Variants in SERPINE2 observed in about 807,000 individuals in gnomAD.
SERPINE2 encodes glia-derived nexin.
A neutral mutation model predicts 36.3 loss-of-function variants in SERPINE2; 14 were observed. The observed-to-expected ratio is 0.39, with a 90% confidence interval of 0.25 to 0.60. SERPINE2 has a LOEUF of 0.60. Ranked by LOEUF, SERPINE2 falls within the 20% of genes least tolerant of loss-of-function variation. SERPINE2 has a pLI of 0.57. For synonymous variants in SERPINE2, 192 were observed against 191.8 expected, an observed-to-expected ratio of 1.00 and a Z score of -0.01; for missense variants, 418 against 499.6, an observed-to-expected ratio of 0.84 and a Z score of 1.56.
chr2:224,016,484 C>T (rs906392416), intron 1 of SERPINE2, among the ~76,000 whole-genome samples: 2 of 139,628 alleles, frequency 1.4e-5, no homozygotes, highest in Non-Finnish European at 3.0e-5. Context: ...CCAGCCTGGG[C>T]GACAAGAGCG....
chr2:223,981,218 T>C (rs759041683), intron 6 of SERPINE2: 10 of 152,056 alleles, frequency 6.6e-5, no homozygotes, highest in Non-Finnish European at 1.0e-4. Flanking sequence ...GAGATGCACA[T>C]TTATAGGGCC....
At chr2:224,002,175 C>T (rs1327556736) in intron 1 of SERPINE2, among the ~76,000 whole-genome samples, 1 of 152,030 alleles carries the variant, frequency 6.6e-6, no homozygotes, top group African/African-American at 2.4e-5. Flanking sequence ...TGGGATTTCA[C>T]CATGTTGGCC....
chr2:223,983,219 G>A (rs1690289701), intron 5 of SERPINE2, among the ~76,000 whole-genome samples: 1 of 152,190 alleles, frequency 6.6e-6, no homozygotes, highest in South Asian at 2.1e-4. Flanking sequence ...ATTGGAGATG[G>A]TCAAAAGAGA....
At chr2:224,038,547 G>C (rs1167275846) in intron 1 of SERPINE2, 1 of 1,548,088 alleles carries the variant, frequency 6.5e-7, no homozygotes, top group Admixed American at 2.0e-5. Flanking sequence ...AAATAGCAAA[G>C]ACCTGCTCGC....
intron 7 of SERPINE2, 95 bp from the exon 8 acceptor site, chr2:223,977,722 C>T: frequency 1.2e-6 from 1 of 815,294 alleles, no homozygotes; most frequent in Non-Finnish European, 2.1e-6. Flanking sequence ...CCCTCAGAGG[C>T]TGGTGTCTGA....
chr2:223,981,561 T>C (rs1690227889), intron 6 of SERPINE2: 1 of 152,210 alleles, frequency 6.6e-6, no homozygotes, highest in Admixed American at 6.5e-5. Flanking sequence ...AGGGGAGTCA[T>C]GTTTGTCCCC....
chr2:223,980,106 T>TCA, intron 7 of SERPINE2: 1 of 475,060 alleles, frequency 2.1e-6, no homozygotes. Flanking sequence ...CTCACTGAAA[T>TCA]GCTTTTCTTT....
chr2:223,993,483 G>A (rs1018634621), intron 3 of SERPINE2, among the ~76,000 whole-genome samples: 1 of 151,844 alleles, frequency 6.6e-6, no homozygotes, highest in African/African-American at 2.4e-5. Context: ...GATCAGTAAT[G>A]CCCAAAGCTA....
chr2:224,007,084 T>C (rs1691452908), intron 1 of SERPINE2, among the ~76,000 whole-genome samples: 1 of 152,220 alleles, frequency 6.6e-6, no homozygotes, highest in African/African-American at 2.4e-5. Context: ...TTCTACCTAA[T>C]AAATTCTTTT....
chr2:224,021,746 G>A (rs1692008500), intron 1 of SERPINE2, among the ~76,000 whole-genome samples: 1 of 152,174 alleles, frequency 6.6e-6, no homozygotes, highest in Non-Finnish European at 1.5e-5. Flanking sequence ...TAAAGTTAAG[G>A]CGGGTACAGT....
At chr2:223,976,562 A>G (rs988895274) in intron 8 of SERPINE2, among the ~76,000 whole-genome samples, 1 of 152,274 alleles carries the variant, frequency 6.6e-6, no homozygotes, top group Non-Finnish European at 1.5e-5. Context: ...ATGCAATGAG[A>G]TAAGAGAATA....
At chr2:224,000,152 A>G (rs577359039) in intron 2 of SERPINE2, among the ~76,000 whole-genome samples, 45 of 152,316 alleles carry the variant, frequency 3.0e-4, no homozygotes, top group Admixed American at 1.3e-3. Flanking sequence ...CAGTGCAGTC[A>G]AGATTCTCAG....
chr2:224,013,062 G>A (rs1269569340), intron 1 of SERPINE2, among the ~76,000 whole-genome samples: 3 of 152,238 alleles, frequency 2.0e-5, no homozygotes, highest in Admixed American at 2.0e-4. Context: ...TATGTATGTG[G>A]CCAAATCTAC....
In SERPINE2 at chr2:223,994,702, T is replaced by C. The variant is rs186677561; in HGVS notation, c.488-2702A>G. Among the ~76,000 whole-genome samples, 149 of 152,338 alleles carry C rather than the reference T, an allele frequency of 9.8e-4. 1 individual carries two copies. The highest frequency in any genetic ancestry group is 4.2e-3 in the Admixed American group (64 of 15,300). On this transcript the variant is annotated intron_variant, in intron 3 of 8. Transcript: ENST00000409304. ...GGGCTAAGAAGGTGACCTGACCTAG[T>C]TGGTGAGGTCTGAGATGGACAGTAC...
intron 3 of SERPINE2, among the ~76,000 whole-genome samples, chr2:223,995,926 A>T (rs1305198547): frequency 6.6e-6 from 1 of 152,168 alleles, no homozygotes; most frequent in East Asian, 1.9e-4. Flanking sequence ...CTACATATAT[A>T]CATTTCTTTT....
At position 223,975,696 on chromosome 2, in the gene SERPINE2, C is replaced by T; in HGVS notation, c.*171G>A. ...TCCAGCCATCCTGCTTGTTTTTTCC[C>T]TCCAATACCTCCCAGAACAGAAACA... On this transcript the variant is annotated 3_prime_UTR_variant, in exon 9 of 9. Coordinates refer to ENST00000409304, the MANE Select transcript of SERPINE2 (RefSeq NM_001136528.2). The T allele has an allele frequency of 5.7e-6, 3 of 529,292 alleles. No individual in the cohort carries two copies. The highest frequency in any genetic ancestry group is 1.0e-5 in the Non-Finnish European group (3 of 296,700). The allele number at this position is 529,292 out of a possible 1,614,324, so 32.8% of individuals were successfully genotyped here. A position where few individuals can be genotyped will look rare whatever the true frequency, so the allele number is the denominator to read the frequency against.
chr2:224,002,070 G>A (rs983292317), intron 1 of SERPINE2, 148 bp from the exon 2 acceptor site: 2 of 699,648 alleles, frequency 2.9e-6, no homozygotes, highest in African/African-American at 1.8e-5. Flanking sequence ...TCCGCCTCCT[G>A]GGTTCAAGCA....
chr2:224,006,610 G>C (rs1444963519), intron 1 of SERPINE2, among the ~76,000 whole-genome samples: 1 of 152,266 alleles, frequency 6.6e-6, no homozygotes, highest in African/African-American at 2.4e-5. Context: ...GGAAAGCAGG[G>C]ACTGTAGACT....
chr2:224,005,372 A>C (rs763922805), intron 1 of SERPINE2, among the ~76,000 whole-genome samples: 1 of 152,072 alleles, frequency 6.6e-6, no homozygotes, highest in Non-Finnish European at 1.5e-5. Context: ...AGAGCTGTGC[A>C]GAACTTGGAA....
Sources: allele counts gnomAD v4.1 joint callset (sites outside exome capture counted in the v4.1 genomes callset), GRCh38; gene constraint gnomAD v4.1.1; transcripts MANE v1.5; gene names NCBI Gene and HGNC (gene_info 2026-07-23, HGNC 2026-07-21).